LGSN: variants seen among roughly 807,000 people sequenced by gnomAD.
LGSN encodes the protein lengsin, lens protein with glutamine synthetase domain, also known as lengsin.
Under a neutral mutation model 19.5 loss-of-function variants are expected in LGSN, and 21 were observed. The observed-to-expected ratio is 1.07, with a 90% confidence interval of 0.76 to 1.55. The LOEUF is 1.55. Among genes scored for constraint, LGSN ranks in the 40% most tolerant of loss-of-function variants. The probability of loss-of-function intolerance (pLI) is 0.00; values close to 1 mark genes in which losing one functional copy is unlikely to be tolerated. For missense variants in LGSN, 673 were observed against 608.5 expected (o/e 1.11, Z -1.12); for synonymous variants, 257 against 215.6 (o/e 1.19, Z -1.68).
chr6:63,410,571 G>T, the LGSN span, among the ~76,000 whole-genome samples: 6 of 152,136 alleles, frequency 3.9e-5, no homozygotes, highest in African/African-American at 1.4e-4. Flanking sequence ...AACCCACAAG[G>T]CTAACACAAT....
chr6:63,446,253 A>AC, the LGSN span, among the ~76,000 whole-genome samples: 2 of 151,228 alleles, frequency 1.3e-5, no homozygotes, highest in Non-Finnish European at 3.0e-5. Flanking sequence ...CAAAAAAAAA[A>AC]AAAAAAAAAA....
the LGSN span, among the ~76,000 whole-genome samples, chr6:63,496,437 A>G: frequency 6.6e-6 from 1 of 152,238 alleles, no homozygotes; most frequent in African/African-American, 2.4e-5. Flanking sequence ...ATTATAGGCA[A>G]TTAAGACAAG....
chr6:63,362,939 C>T, the LGSN span, among the ~76,000 whole-genome samples: 1 of 152,210 alleles, frequency 6.6e-6, no homozygotes, highest in Non-Finnish European at 1.5e-5. Flanking sequence ...CTGGGAGACA[C>T]CTCCCAGTAG....
the LGSN span, among the ~76,000 whole-genome samples, chr6:63,544,554 A>C: frequency 2.6e-5 from 4 of 152,156 alleles, no homozygotes; most frequent in Non-Finnish European, 2.9e-5. Context: ...CCTTTATAGT[A>C]AAATAAAAAC....
At chr6:63,321,512 C>A (rs1335167391), upstream of LGSN, among the ~76,000 whole-genome samples, 2 of 152,086 alleles carry the variant, frequency 1.3e-5, no homozygotes, top group Non-Finnish European at 2.9e-5. Flanking sequence ...ATTTCATCTT[C>A]TTTTCCTTAC....
chr6:63,559,846 C>T, the LGSN span, among the ~76,000 whole-genome samples: 19 of 152,218 alleles, frequency 1.2e-4, no homozygotes, highest in African/African-American at 4.1e-4. Context: ...AGGCTGGTTT[C>T]GAACTCCTGG....
the LGSN span, among the ~76,000 whole-genome samples, chr6:63,408,891 T>A: frequency 3.3e-5 from 5 of 152,170 alleles, no homozygotes; most frequent in Admixed American, 3.3e-4. Flanking sequence ...CAGTAAATAA[T>A]CAGGATTAAG....
chr6:63,516,533 A>G, the LGSN span, among the ~76,000 whole-genome samples: 1 of 152,198 alleles, frequency 6.6e-6, no homozygotes, highest in Non-Finnish European at 1.5e-5. Flanking sequence ...TAGTAAGTCC[A>G]TTTAACTTCT....
intron 1 of LGSN, 150 bp from the exon 2 acceptor site, chr6:63,295,195 C>T (rs1767937271): frequency 6.1e-6 from 4 of 660,128 alleles, no homozygotes; most frequent in African/African-American, 1.8e-5. Context: ...CCACACTCAC[C>T]TGAATAACTC....
chr6:63,497,860 G>A, the LGSN span, among the ~76,000 whole-genome samples: 1 of 151,322 alleles, frequency 6.6e-6, no homozygotes, highest in Non-Finnish European at 1.5e-5. Context: ...TCCCACATAT[G>A]AAGTTATCTG....
chr6:63,441,598 G>C, the LGSN span: 2 of 456,720 alleles, frequency 4.4e-6, no homozygotes, highest in Admixed American at 2.6e-5. Flanking sequence ...GCAAAGCAGC[G>C]AGCTAAGGAA....
At chr6:63,283,252 T>A (rs563408288) in intron 3 of LGSN, among the ~76,000 whole-genome samples, 1 of 152,202 alleles carries the variant, frequency 6.6e-6, no homozygotes, top group South Asian at 2.1e-4. Context: ...AATATATTCA[T>A]GATAATATAT....
chr6:63,279,717 T>G lies in LGSN; in HGVS notation c.*304A>C, dbSNP rs1582013443. 5.3e-6 allele frequency: 1 copy of G among 187,924 alleles called. No individual in the cohort carries two copies. The highest frequency in any genetic ancestry group is 1.1e-5 in the Non-Finnish European group (1 of 92,246). The allele number at this position is 187,924 out of a possible 1,614,324, so 11.6% of individuals were successfully genotyped here. A position where few individuals can be genotyped will look rare whatever the true frequency, so the allele number is the denominator to read the frequency against. ...TTTTTTTCTTAATGTGCGAATATAT[T>G]TATTGCCACCCAAAATTGGATATTC... On this transcript the variant is annotated 3_prime_UTR_variant, in exon 4 of 4. Transcript: ENST00000370657.
the LGSN span, among the ~76,000 whole-genome samples, chr6:63,488,056 G>A: frequency 6.6e-6 from 1 of 151,838 alleles, no homozygotes; most frequent in Admixed American, 6.6e-5. Context: ...CTAAAATTGT[G>A]TGATCAGCTA....
chr6:63,531,517 T>G, the LGSN span, among the ~76,000 whole-genome samples: 1 of 149,372 alleles, frequency 6.7e-6, no homozygotes, highest in African/African-American at 2.5e-5. Context: ...TTATGCTTTT[T>G]TTTTTTTTTT....
At chr6:63,509,653 T>G in the LGSN span, among the ~76,000 whole-genome samples, 5,992 of 152,328 alleles carry the variant, frequency 0.039, 411 homozygotes, top group African/African-American at 0.14. Flanking sequence ...ACCTAGCTTA[T>G]AGAGTAAATA....
At chr6:63,375,659 G>T in the LGSN span, among the ~76,000 whole-genome samples, 1 of 151,994 alleles carries the variant, frequency 6.6e-6, no homozygotes, top group African/African-American at 2.4e-5. Flanking sequence ...CCTTTGGCTG[G>T]TACATTATTT....
chr6:63,357,705 T>G, the LGSN span, among the ~76,000 whole-genome samples: 19,823 of 151,292 alleles, frequency 0.13, 2,849 homozygotes, highest in African/African-American at 0.36. Context: ...TAAATTTGTT[T>G]GAGTTCATTG....
the LGSN span, among the ~76,000 whole-genome samples, chr6:63,439,018 G>A: frequency 6.6e-6 from 1 of 152,316 alleles, no homozygotes; most frequent in Admixed American, 6.5e-5. Flanking sequence ...GGAATACTAT[G>A]CAGCCATCAA....
Sources: gnomAD v4.1 joint callset for allele counts (sites outside exome capture counted in the v4.1 genomes callset) on GRCh38, gnomAD v4.1.1 for gene constraint, MANE v1.5 for transcripts, NCBI Gene and HGNC (gene_info 2026-07-23, HGNC 2026-07-21) for gene names.